The following PHLDB2 variants were observed in gnomAD, a reference collection of about 807,000 sequenced individuals.
PHLDB2 encodes pleckstrin homology like domain family B member 2.
Under a neutral mutation model 123.6 loss-of-function variants are expected in PHLDB2, and 71 were observed. The observed-to-expected ratio is 0.57, with a 90% CI of 0.47 to 0.70. The LOEUF is 0.70. Among genes scored for constraint, PHLDB2 ranks in the 30% least tolerant of loss-of-function variants. The probability of loss-of-function intolerance (pLI) is 0.00; values close to 1 mark genes in which losing one functional copy is unlikely to be tolerated. For synonymous variants in PHLDB2, 547 were observed against 541.6 expected (o/e 1.01, Z -0.14); for missense variants, 1,446 against 1,519.5 (o/e 0.95, Z 0.80).
intron 1 of PHLDB2, among the ~76,000 whole-genome samples, chr3:111,832,359 A>T (rs545715562): frequency 6.7e-6 from 1 of 150,296 alleles, no homozygotes; most frequent in Non-Finnish European, 1.5e-5. Flanking sequence ...TGCAAATATA[A>T]TATGTTCTTA....
chr3:111,892,337 T>C (rs566194449), intron 2 of PHLDB2, among the ~76,000 whole-genome samples: 4 of 152,222 alleles, frequency 2.6e-5, no homozygotes, highest in Non-Finnish European at 5.9e-5. Flanking sequence ...TTTATAACTA[T>C]ATAATTTTAA....
intron 1 of PHLDB2, among the ~76,000 whole-genome samples, chr3:111,839,650 G>A (rs574811047): frequency 3.3e-5 from 5 of 151,694 alleles, no homozygotes; most frequent in African/African-American, 1.2e-4. Context: ...CCTGTGAATC[G>A]ATTTTTTTCT....
At chr3:111,966,959 T>TTG (rs1484214739) in intron 14 of PHLDB2, among the ~76,000 whole-genome samples, 22 of 150,602 alleles carry the variant, frequency 1.5e-4, no homozygotes, top group Admixed American at 2.0e-4. Flanking sequence ...TTGTGTTTTT[T>TTG]TGTGTGTGTT....
chr3:111,767,646 T>G (rs565460077), intron 1 of PHLDB2, among the ~76,000 whole-genome samples: 2 of 152,320 alleles, frequency 1.3e-5, no homozygotes, highest in Admixed American at 1.3e-4. Flanking sequence ...CTGAAGTACT[T>G]AAAACTGTAC....
intron 1 of PHLDB2, among the ~76,000 whole-genome samples, chr3:111,742,383 C>T (rs1291647742): frequency 6.6e-6 from 1 of 152,064 alleles, no homozygotes; most frequent in Non-Finnish European, 1.5e-5. Flanking sequence ...CACATGTATA[C>T]ATGTGCCATG....
intron 1 of PHLDB2, among the ~76,000 whole-genome samples, chr3:111,786,521 G>A (rs1196073735): frequency 2.0e-5 from 3 of 152,144 alleles, no homozygotes. Context: ...TTATGATTCT[G>A]GATTGTTTGA....
At chr3:111,740,512 C>T (rs1047567311) in intron 1 of PHLDB2, among the ~76,000 whole-genome samples, 95 of 152,290 alleles carry the variant, frequency 6.2e-4, no homozygotes. Context: ...CTTTACTCCA[C>T]AAAAATCTTA....
chr3:111,886,106 A>G (rs149063788), intron 2 of PHLDB2, among the ~76,000 whole-genome samples: 85 of 152,340 alleles, frequency 5.6e-4, no homozygotes, highest in African/African-American at 1.7e-3. Context: ...AAACAACTGC[A>G]TTTTTCCTTT....
intron 1 of PHLDB2, among the ~76,000 whole-genome samples, chr3:111,818,527 A>G (rs545631103): frequency 2.0e-5 from 3 of 152,002 alleles, no homozygotes; most frequent in Non-Finnish European, 2.9e-5. Context: ...TCCTGCTTCC[A>G]CTCTCTAAGT....
intron 1 of PHLDB2, among the ~76,000 whole-genome samples, chr3:111,749,034 A>G (rs974327004): frequency 1.3e-5 from 2 of 151,916 alleles, no homozygotes; most frequent in African/African-American, 2.4e-5. Context: ...CTACTGGGAC[A>G]TAAGTTTCAC....
intron 8 of PHLDB2, among the ~76,000 whole-genome samples, chr3:111,944,111 G>GA (rs2070115557): frequency 6.6e-6 from 1 of 152,132 alleles, no homozygotes; most frequent in African/African-American, 2.4e-5. Flanking sequence ...TGACACAAAA[G>GA]AATGCATATT....
rs1167810025 is a variant in PHLDB2, at chr3:111,778,346, T to G, written c.-49+45643T>G. The stretch of plus-strand genomic sequence containing the variant: ...CATCTACGAGCCAAGGAGAGAAGCA[T>G]GGAATGGATGCTTCCCTCATAGCCT... On this transcript the variant is annotated intron_variant, in intron 1 of 17. Transcript: ENST00000393923. 3 of 152,026 alleles carry G rather than the reference T, an allele frequency of 2.0e-5. No homozygotes were observed. The East Asian group carries it at 5.8e-4, about 29-fold the overall frequency. 9.4% of individuals were successfully genotyped at this position (152,026 alleles called of 1,614,324 possible). A position where few individuals can be genotyped will look rare whatever the true frequency, so the allele number is the denominator to read the frequency against.
chr3:111,921,951 CA>C (rs1442613681), intron 5 of PHLDB2, among the ~76,000 whole-genome samples: 1 of 152,126 alleles, frequency 6.6e-6, no homozygotes, highest in Non-Finnish European at 1.5e-5. Flanking sequence ...CCTAAAAGGC[CA>C]AAATGAAGTC....
chr3:111,816,408 T>A (rs1314134706), intron 1 of PHLDB2, among the ~76,000 whole-genome samples: 1 of 152,162 alleles, frequency 6.6e-6, no homozygotes, highest in Non-Finnish European at 1.5e-5. Flanking sequence ...TTCCCAAGAC[T>A]ATGGGAACCT....
chr3:111,966,440 C>T (rs562330533), intron 13 of PHLDB2, among the ~76,000 whole-genome samples, 173 bp from the exon 14 acceptor site: 10 of 152,104 alleles, frequency 6.6e-5, no homozygotes, highest in South Asian at 6.2e-4. Flanking sequence ...TCCAATGACT[C>T]GTAAGTAACA....
intron 1 of PHLDB2, among the ~76,000 whole-genome samples, chr3:111,807,899 T>C (rs2108311281): frequency 6.6e-6 from 1 of 152,164 alleles, no homozygotes; most frequent in African/African-American, 2.4e-5. Context: ...TAACTGAACA[T>C]TGCTTTATTT....
At chr3:111,909,483 G>A (rs536352592) in intron 2 of PHLDB2, among the ~76,000 whole-genome samples, 2 of 152,112 alleles carry the variant, frequency 1.3e-5, no homozygotes, top group Non-Finnish European at 2.9e-5. Flanking sequence ...TGGAGTCCCC[G>A]CTACTCTGGA....
chr3:111,741,774 A>T (rs778552424), intron 1 of PHLDB2, among the ~76,000 whole-genome samples: 4 of 152,222 alleles, frequency 2.6e-5, no homozygotes, highest in Admixed American at 2.6e-4. Context: ...AAATTGCCAC[A>T]ACACATTTTA....
At chr3:111,844,781 A>G (rs1200590970) in intron 1 of PHLDB2, among the ~76,000 whole-genome samples, 5 of 152,136 alleles carry the variant, frequency 3.3e-5, no homozygotes, top group African/African-American at 1.2e-4. Flanking sequence ...ATAACTCTCT[A>G]ATTATTCCTC....
Sources: gnomAD v4.1 joint callset for allele counts (sites outside exome capture counted in the v4.1 genomes callset) on GRCh38, gnomAD v4.1.1 for gene constraint, MANE v1.5 for transcripts, NCBI Gene and HGNC (gene_info 2026-07-23, HGNC 2026-07-21) for gene names.